The following CTTNBP2 variants were observed in gnomAD, a reference collection of about 807,000 sequenced individuals.
CTTNBP2 encodes cortactin-binding protein 2.
Under a neutral mutation model 156.9 loss-of-function variants are expected in CTTNBP2, and 108 were observed. The observed-to-expected ratio is 0.69, with a 90% CI of 0.59 to 0.81. The LOEUF (loss-of-function observed/expected upper bound fraction) is 0.81. CTTNBP2 is among the 30% of genes least tolerant of loss of function. CTTNBP2 has a pLI of 0.00. For synonymous variants in CTTNBP2, 767 were observed against 751.8 expected (o/e 1.02, Z -0.33); for missense variants, 1,924 against 2,035.4 (o/e 0.95, Z 1.05).
chr7:117,768,615 A>T (rs988669789), intron 8 of CTTNBP2, among the ~76,000 whole-genome samples: 1 of 142,236 alleles, frequency 7.0e-6, no homozygotes. Context: ...TATAATATTC[A>T]CATAGAAGTG....
chr7:117,752,147 T>C (rs1486172716), intron 12 of CTTNBP2, among the ~76,000 whole-genome samples: 1 of 152,180 alleles, frequency 6.6e-6, no homozygotes, highest in Non-Finnish European at 1.5e-5. Context: ...ATTTTGGGAA[T>C]GTACGGAGAA....
chr7:117,826,022 T>C (rs953745414), intron 2 of CTTNBP2, among the ~76,000 whole-genome samples: 1 of 152,182 alleles, frequency 6.6e-6, no homozygotes, highest in African/African-American at 2.4e-5. Context: ...GGTGACTGTT[T>C]TCATGTGTGT....
intron 16 of CTTNBP2, among the ~76,000 whole-genome samples, chr7:117,730,719 C>T (rs1448789247): frequency 2.0e-5 from 3 of 151,984 alleles, no homozygotes; most frequent in African/African-American, 7.3e-5. Flanking sequence ...ATCACAAGTC[C>T]TCAACAAGCC....
intron 2 of CTTNBP2, among the ~76,000 whole-genome samples, chr7:117,814,409 G>T (rs1392724431): frequency 1.3e-5 from 2 of 152,032 alleles, no homozygotes; most frequent in Non-Finnish European, 2.9e-5. Context: ...ACATGTACAG[G>T]TTCATAAACA....
At chr7:117,800,330 T>C (rs1799541879) in intron 3 of CTTNBP2, among the ~76,000 whole-genome samples, 1 of 152,070 alleles carries the variant, frequency 6.6e-6, no homozygotes, top group Non-Finnish European at 1.5e-5. Flanking sequence ...TGCTCAGCAG[T>C]TTCCTGAGTT....
intron 2 of CTTNBP2, among the ~76,000 whole-genome samples, chr7:117,832,837 C>T (rs1801697679): frequency 6.7e-6 from 1 of 149,818 alleles, no homozygotes; most frequent in Non-Finnish European, 1.5e-5. Context: ...ACCTCTGCCT[C>T]CTGGGTTCAA....
rs766845847 is a variant in CTTNBP2 at position 117,727,047 on chromosome 7, A to G, written c.4055+1042T>C. ...CTGGATGTAAAAAAGACTTTAATTT[A>G]ACTGACATAATAATGAAGAAAGTGG... On this transcript the variant is annotated intron_variant, in intron 17 of 22. Coordinates refer to ENST00000160373, the MANE Select transcript of CTTNBP2 (RefSeq NM_033427.3). Among the ~76,000 whole-genome samples, 57 of 152,222 alleles carry G rather than the reference A, an allele frequency of 3.7e-4. 1 individual carries two copies. Among genetic ancestry groups the G allele is most frequent in the Non-Finnish European group, 7.3e-4 (50 of 68,044 alleles).
chr7:117,766,526 A>G (rs1797493293), intron 9 of CTTNBP2, among the ~76,000 whole-genome samples: 1 of 152,198 alleles, frequency 6.6e-6, no homozygotes, highest in Non-Finnish European at 1.5e-5. Context: ...TAATCTTAAT[A>G]TAAGAGGTCA....
chr7:117,872,045 T>A, intron 1 of CTTNBP2: 1 of 816,396 alleles, frequency 1.2e-6, no homozygotes, highest in Non-Finnish European at 1.5e-6. Context: ...CTTAAAGTTC[T>A]CATTTTCTAT....
At chr7:117,872,673 G>A (rs1323791824) in intron 1 of CTTNBP2, among the ~76,000 whole-genome samples, 2 of 152,094 alleles carry the variant, frequency 1.3e-5, no homozygotes, top group Non-Finnish European at 2.9e-5. Context: ...GCATCGTCTC[G>A]GGAAGAACCA....
At chr7:117,768,227 A>G (rs10233110) in intron 8 of CTTNBP2, among the ~76,000 whole-genome samples, 9,811 of 152,092 alleles carry the variant, frequency 0.065, 486 homozygotes, top group African/African-American at 0.13. Context: ...CACTTTTAAA[A>G]TATACCTATT....
intron 9 of CTTNBP2, among the ~76,000 whole-genome samples, chr7:117,765,989 T>C (rs1797464404): frequency 6.6e-6 from 1 of 152,234 alleles, no homozygotes; most frequent in African/African-American, 2.4e-5. Context: ...ATGCTTCATA[T>C]TTTTCACATC....
chr7:117,728,957 C>G (rs1795254213), intron 16 of CTTNBP2, among the ~76,000 whole-genome samples: 1 of 152,196 alleles, frequency 6.6e-6, no homozygotes, highest in Non-Finnish European at 1.5e-5. Context: ...TACCGTCAGC[C>G]AGGGCTGAAA....
chr7:117,724,948 T>C, intron 18 of CTTNBP2, 104 bp downstream of exon 18: 1 of 1,144,342 alleles, frequency 8.7e-7, no homozygotes, highest in Non-Finnish European at 1.3e-6. Context: ...CTATAAGATG[T>C]ATATTTTTCT....
At position 117,721,050 on chromosome 7, in the gene CTTNBP2, T is replaced by C; in HGVS notation, c.4511+17A>G. 3.3e-6 allele frequency: 5 copies of C among 1,523,980 alleles called. No individual in the cohort carries two copies. Among genetic ancestry groups the C allele is most frequent in the South Asian group, 1.1e-5 (1 of 88,994 alleles). The allele number at this position is 1,523,980 out of a possible 1,614,324, so 94.4% of individuals were successfully genotyped here. On this transcript the variant is annotated intron_variant, in intron 20 of 22. Transcript: ENST00000160373. ...TATCTTTGTTTGCTGTGAGTTAAAT[T>C]TGAAAGGGGAACTTACTTTTGTTTT...
At chr7:117,759,376 C>A (rs556342455) in intron 10 of CTTNBP2, among the ~76,000 whole-genome samples, 14 of 152,262 alleles carry the variant, frequency 9.2e-5, no homozygotes, top group Admixed American at 6.5e-4. Flanking sequence ...CCTCCCAAAG[C>A]ACTTGGATTA....
chr7:117,802,097 C>G (rs1233338488), intron 3 of CTTNBP2, among the ~76,000 whole-genome samples: 1 of 140,092 alleles, frequency 7.1e-6, no homozygotes, highest in Non-Finnish European at 1.5e-5. Flanking sequence ...GTGATATTCC[C>G]CTTCATGTGT....
intron 2 of CTTNBP2, among the ~76,000 whole-genome samples, chr7:117,853,325 T>A (rs1397500446): frequency 6.6e-6 from 1 of 152,098 alleles, no homozygotes; most frequent in Non-Finnish European, 1.5e-5. Flanking sequence ...TGAACAGAGG[T>A]GGCTGCAAAC....
rs774588895 is a variant in CTTNBP2, at chr7:117,757,934, T to G, written c.3209A>C (p.Gln1070Pro). ...VPWSVGQSFA[Q>P]SPWDFMRKNK... is the part of the protein sequence containing the mutation. ...CTTCCTCATAAAGTCCCACGGGGAC[T>G]GCGCGAAGCTCTGACCCACTGACCA... The change falls in exon 11 of 23, where the codon CAG becomes CCG. Residue 1070 changes from glutamine to proline, a missense_variant. Gln to Pro is a moderately conservative substitution (Grantham distance 76). Transcript: ENST00000160373. 2 of 1,613,662 alleles carry G rather than the reference T, an allele frequency of 1.2e-6. No homozygotes were observed. The highest frequency in any genetic ancestry group is 1.7e-6 in the Non-Finnish European group (2 of 1,179,852).
Sources: allele counts gnomAD v4.1 joint callset (sites outside exome capture counted in the v4.1 genomes callset), GRCh38; gene constraint gnomAD v4.1.1; transcripts MANE v1.5; gene names NCBI Gene and HGNC (gene_info 2026-07-23, HGNC 2026-07-21).